Variants in DENND4C observed in about 807,000 individuals in gnomAD.
The protein encoded by DENND4C is DENN domain containing 4C.
DENND4C carries 108 observed loss-of-function variants against 203.0 expected under a neutral mutation model. That is an observed-to-expected ratio of 0.53 (90% CI 0.46 to 0.62). The LOEUF (loss-of-function observed/expected upper bound fraction) is 0.62, where lower values mean the gene tolerates loss of function less well. Ranked by LOEUF, DENND4C falls within the 20% of genes least tolerant of loss-of-function variation. The pLI, the probability that DENND4C is intolerant of heterozygous loss-of-function variation, is 0.00. For missense variants in DENND4C, 2,481 were observed against 2,301.2 expected (o/e 1.08, Z -1.60); for synonymous variants, 871 against 792.4 (o/e 1.10, Z -1.67).
At chr9:19,370,038 TA>T (rs1563850399) in intron 31 of DENND4C, 51 bp downstream of exon 31, 1 of 1,591,944 alleles carries the variant, frequency 6.3e-7, no homozygotes. Flanking sequence ...TTCATGTTTT[TA>T]AAAAAATATC....
chr9:19,254,755 ATG>A (rs1055580802), intron 1 of DENND4C, among the ~76,000 whole-genome samples: 5 of 152,204 alleles, frequency 3.3e-5, no homozygotes, highest in African/African-American at 1.2e-4. Flanking sequence ...TCAGTACATA[ATG>A]TGTATATATA....
At chr9:19,303,302 C>A (rs552747474) in intron 9 of DENND4C, among the ~76,000 whole-genome samples, 1 of 152,058 alleles carries the variant, frequency 6.6e-6, no homozygotes, top group East Asian at 1.9e-4. Context: ...TTATGTTTTT[C>A]ATTTATTTTC....
chr9:19,240,181 A>G (rs554127807), intron 1 of DENND4C, among the ~76,000 whole-genome samples: 7 of 152,288 alleles, frequency 4.6e-5, no homozygotes, highest in Admixed American at 4.6e-4. Context: ...TTATTGTGCA[A>G]GCATCATATA....
At chr9:19,365,057 G>T (rs1156603944) in intron 30 of DENND4C, among the ~76,000 whole-genome samples, 1 of 152,054 alleles carries the variant, frequency 6.6e-6, no homozygotes, top group Non-Finnish European at 1.5e-5. Context: ...TGGAGATTTT[G>T]GTCAGAAGGC....
intron 1 of DENND4C, among the ~76,000 whole-genome samples, chr9:19,245,195 G>A (rs1448159940): frequency 4.6e-5 from 7 of 152,142 alleles, no homozygotes; most frequent in East Asian, 3.9e-4. Context: ...AGGGCCAGGT[G>A]CGGTGGCTCA....
chr9:19,373,945 ATT>A lies in DENND4C; in HGVS notation c.*1774_*1775del, dbSNP rs1189501399. 6.6e-6 allele frequency among the ~76,000 whole-genome samples: 1 copy of A among 152,298 alleles called. No individual in the cohort carries two copies. Among genetic ancestry groups the A allele is most frequent in the African/African-American group, 2.4e-5 (1 of 41,574 alleles). On this transcript the variant is annotated 3_prime_UTR_variant, in exon 33 of 33. Transcript: ENST00000434457. ...TATTGTGAAAATGCTAAATGAAACA[ATT>A]TGTCAGAAATTATGTACAATTTTCA...
chr9:19,363,351 A>G (rs541736090), intron 30 of DENND4C, among the ~76,000 whole-genome samples: 2 of 152,076 alleles, frequency 1.3e-5, no homozygotes, highest in African/African-American at 4.8e-5. Context: ...CATCTCTACT[A>G]AAAATACAAA....
At chr9:19,250,704 T>A (rs1271569718) in intron 1 of DENND4C, among the ~76,000 whole-genome samples, 1 of 151,980 alleles carries the variant, frequency 6.6e-6, no homozygotes, top group East Asian at 1.9e-4. Context: ...ATGGGAGAAA[T>A]TGGCCAAAAT....
chr9:19,358,642 T>C lies in DENND4C; in HGVS notation c.5160+482T>C, dbSNP rs1825869372. Among the ~76,000 whole-genome samples, 1 of 151,798 alleles carries C rather than the reference T, an allele frequency of 6.6e-6. No homozygotes were observed. Among genetic ancestry groups the C allele is most frequent in the South Asian group, 2.1e-4 (1 of 4,832 alleles). On this transcript the variant is annotated intron_variant, in intron 28 of 32. Coordinates refer to ENST00000434457, the MANE Select transcript of DENND4C (RefSeq NM_001330640.2). This position sits in a 1 kb window ranked among gnomAD's most constrained non-coding sequence, Gnocchi z 4.8. Reference sequence around the variant, plus strand: ...ATATGTGTGCTTGTGTATGTGTGGGTTGTAGTTTGAGGAATCAGGATCAAA... The same window carrying C: ...ATATGTGTGCTTGTGTATGTGTGGGCTGTAGTTTGAGGAATCAGGATCAAA...
At chr9:19,248,253 G>C (rs1197200784) in intron 1 of DENND4C, among the ~76,000 whole-genome samples, 1 of 152,136 alleles carries the variant, frequency 6.6e-6, no homozygotes, top group East Asian at 1.9e-4. Flanking sequence ...TGGCCTTGCT[G>C]TTCCTCAAAG....
chr9:19,295,958 A>T (rs1461901720), intron 5 of DENND4C, 50 bp from the exon 6 acceptor site: 2 of 1,383,396 alleles, frequency 1.4e-6, no homozygotes, highest in South Asian at 1.2e-5. Context: ...AGAGAAGTTA[A>T]TTTTTTCAAA....
chr9:19,245,118 T>C (rs1159252670), intron 1 of DENND4C, among the ~76,000 whole-genome samples: 4 of 152,194 alleles, frequency 2.6e-5, no homozygotes, highest in Admixed American at 2.6e-4. Context: ...TTAAAAAATA[T>C]TGATAGTAGT....
intron 2 of DENND4C, among the ~76,000 whole-genome samples, chr9:19,277,644 T>G (rs1833151244): frequency 6.7e-6 from 1 of 149,910 alleles, no homozygotes; most frequent in African/African-American, 2.4e-5. Context: ...TTTGGATGCT[T>G]TGTGTGTGTG....
rs1825579612 is a variant in DENND4C, at chr9:19,356,975, T to A, written c.4785T>A (p.Phe1595Leu). The change falls in exon 27 of 33, where the codon TTT (phenylalanine) becomes TTA (leucine). Residue 1595 changes from phenylalanine (F) to leucine (L), a missense_variant. By Grantham distance (22) the Phe-to-Leu change is conservative (BLOSUM62 0). This residue lies in a region of DENND4C where 2,289 missense variants were observed against 2,113.3 expected (regional missense o/e 1.08). Transcript: ENST00000434457. ...TTCCCCCCTTTTCCTTATGTAGCTT[T>A]TTCCTGAAACCAAGTACCTCTGGTG... ...EFKDLRGSAS[F>L]FLKPSTSGDS... 4 of 1,613,476 alleles carry A rather than the reference T, an allele frequency of 2.5e-6. No homozygotes were observed. The highest frequency in any genetic ancestry group is 1.3e-5 in the African/African-American group (1 of 75,018).
At chr9:19,365,599 T>G (rs1298248473) in intron 30 of DENND4C, among the ~76,000 whole-genome samples, 2 of 151,588 alleles carry the variant, frequency 1.3e-5, no homozygotes, top group Non-Finnish European at 1.5e-5. Context: ...TGTATCTATA[T>G]TTGCAGATTA....
intron 10 of DENND4C, among the ~76,000 whole-genome samples, chr9:19,313,050 G>A (rs945434639): frequency 6.6e-6 from 1 of 151,576 alleles, no homozygotes; most frequent in African/African-American, 2.4e-5. Context: ...TTGTTCTGCT[G>A]TTATTCTTTT....
chr9:19,276,340 A>G lies in DENND4C; in HGVS notation c.166A>G (p.Thr56Ala). The change falls in exon 2 of 33, where the codon ACA (threonine) becomes GCA (alanine). Residue 56 changes from threonine to alanine, a missense_variant. By Grantham distance (58) the Thr-to-Ala change is moderately conservative (BLOSUM62 0). This residue lies in a region of DENND4C where 187 missense variants were observed against 167.4 expected (regional missense o/e 1.12). Coordinates refer to ENST00000434457, the MANE Select transcript of DENND4C (RefSeq NM_001330640.2). The stretch of plus-strand genomic sequence containing the variant: ...CATTATTATCAAATCAGCTGGAGAA[A>G]CAGTACCTGAAGGTTACACCTGTGT... ...IAIIIKSAGE[T>A]VPEGYTCVEA... The G allele has an allele frequency of 2.4e-6, 3 of 1,232,128 alleles. No homozygotes were observed. Among genetic ancestry groups the G allele is most frequent in the Non-Finnish European group, 3.0e-6 (3 of 987,948 alleles). 76.3% of individuals were successfully genotyped at this position (1,232,128 alleles called of 1,614,324 possible). A position where few individuals can be genotyped will look rare whatever the true frequency, so the allele number is the denominator to read the frequency against.
intron 4 of DENND4C, among the ~76,000 whole-genome samples, chr9:19,289,915 T>G (rs1037706538): frequency 3.3e-5 from 5 of 152,064 alleles, no homozygotes; most frequent in African/African-American, 1.2e-4. Context: ...TGTTGTTGTT[T>G]TTGGTGGAGA....
intron 1 of DENND4C, among the ~76,000 whole-genome samples, chr9:19,233,657 T>A (rs1474415321): frequency 1.0e-5 from 1 of 96,354 alleles, no homozygotes; most frequent in Non-Finnish European, 2.2e-5. Context: ...GCCTCCCAGA[T>A]TGAAGCGATT....
Sources: allele counts gnomAD v4.1 joint callset (sites outside exome capture counted in the v4.1 genomes callset), GRCh38; gene constraint gnomAD v4.1.1; regional missense constraint gnomAD v4.1.1; non-coding constraint Gnocchi (gnomAD v3.1); transcripts MANE v1.5; gene names NCBI Gene and HGNC (gene_info 2026-07-23, HGNC 2026-07-21).